Variants in NTRK1 observed in about 807,000 individuals in gnomAD.
NTRK1 encodes the protein neurotrophic receptor tyrosine kinase 1.
Under a neutral mutation model 86.8 loss-of-function variants are expected in NTRK1, and 62 were observed. The ratio of observed to expected loss-of-function variants is 0.71; its 90% CI spans 0.58 to 0.88. NTRK1 has a LOEUF of 0.88. Ranked by LOEUF, NTRK1 falls within the 40% of genes least tolerant of loss-of-function variation. The pLI is 0.00. For missense variants in NTRK1, 967 were observed against 1,078.4 expected (o/e 0.90, Z 1.45); for synonymous variants, 469 against 456.6 (o/e 1.03, Z -0.35).
chr1:156,816,475 C>T (rs1448794899), intron 1 of NTRK1, among the ~76,000 whole-genome samples: 4 of 152,224 alleles, frequency 2.6e-5, no homozygotes, highest in South Asian at 4.1e-4. Context: ...CCTCAACAAA[C>T]CCTGTCACCT....
chr1:156,853,675 A>G (rs928735969), intron 2 of NTRK1: 1 of 1,413,358 alleles, frequency 7.1e-7, no homozygotes, highest in Non-Finnish European at 9.7e-7. Context: ...ACTGACCCAC[A>G]CCATCCTGTG....
At position 156,874,905 on chromosome 1, in the gene NTRK1, G is replaced by A. The variant is rs1487144920; in HGVS notation, c.1252-1G>A. On this transcript the variant is annotated splice_acceptor_variant, in intron 10 of 16. Transcript: ENST00000524377. LOFTEE classifies it high-confidence loss of function. ...ATCTAACTACCCCTGTCCCCCACCA[G>A]GTCTCGGTGGCTGTGGGCCTGGCCG... is the stretch of plus-strand genomic sequence containing the variant. 6.2e-7 allele frequency: 1 copy of A among 1,607,376 alleles called. No homozygotes were observed. Among genetic ancestry groups the A allele is most frequent in the Non-Finnish European group, 8.5e-7 (1 of 1,174,164 alleles).
At chr1:156,841,616 A>G (rs1206140574) in intron 1 of NTRK1, 2 of 1,609,662 alleles carry the variant, frequency 1.2e-6, no homozygotes, top group Non-Finnish European at 1.7e-6. Flanking sequence ...GCCCCTCCCC[A>G]GATCCCGCCT....
In NTRK1 at chr1:156,844,097, A is replaced by G. The variant is rs984573138; in HGVS notation, c.50+1904A>G. On this transcript the variant is annotated intron_variant, in intron 2 of 16. Transcript: ENST00000392302. ...GGAAGACCTGTCTTTCTACTGTCTC[A>G]TCTACCTCCCTTTGACAGACTTTAT... 6.7e-6 allele frequency: 7 copies of G among 1,049,086 alleles called. No individual in the cohort carries two copies. In the Admixed American group the frequency reaches 9.4e-5, roughly 14 times the overall value. 65.0% of individuals were successfully genotyped at this position (1,049,086 alleles called of 1,614,324 possible). A position where few individuals can be genotyped will look rare whatever the true frequency, so the allele number is the denominator to read the frequency against.
rs2102904669 is a variant in NTRK1 at position 156,873,631 on chromosome 1, A to G, written c.851-2A>G. The G allele has an allele frequency of 1.2e-6, 2 of 1,610,174 alleles. No individual in the cohort carries two copies. Among genetic ancestry groups the G allele is most frequent in the Non-Finnish European group, 1.7e-6 (2 of 1,179,400 alleles). On this transcript the variant is annotated splice_acceptor_variant, in intron 7 of 16. Transcript: ENST00000524377. LOFTEE classifies it high-confidence loss of function. ...CCTGCTGTTGCTCTTTCTGGCCCAC[A>G]GTCCCGGCCAGTGTGCAGCTGCACA...
chr1:156,843,352 T>A (rs1441578143), intron 2 of NTRK1: 2 of 1,578,072 alleles, frequency 1.3e-6, no homozygotes, highest in African/African-American at 1.3e-5. Context: ...TGCAAGAAGG[T>A]CTTCTGGAAG....
At chr1:156,832,518 G>A (rs1350620503) in intron 1 of NTRK1, among the ~76,000 whole-genome samples, 1 of 152,182 alleles carries the variant, frequency 6.6e-6, no homozygotes, top group African/African-American at 2.4e-5. Context: ...GGGAGTAGGT[G>A]ATTCTCAAGA....
rs190368175 is a variant in NTRK1, at chr1:156,831,015, C to G, written c.-63-11066C>G. Among the ~76,000 whole-genome samples, 3 of 152,334 alleles carry G rather than the reference C, an allele frequency of 2.0e-5. No individual in the cohort carries two copies. In the East Asian group the frequency reaches 5.8e-4, roughly 29 times the overall value. On this transcript the variant is annotated intron_variant, in intron 1 of 16. Transcript: ENST00000392302. ...GAGGGTCAGACCTCAGGTCTACCCT[C>G]TGGCTTTATCTCTCCCTTCAACCCT... is the stretch of plus-strand genomic sequence containing the variant.
intron 1 of NTRK1, among the ~76,000 whole-genome samples, chr1:156,819,032 T>A (rs1460172024): frequency 6.6e-6 from 1 of 152,188 alleles, no homozygotes; most frequent in Non-Finnish European, 1.5e-5. Context: ...AGATGAAGTC[T>A]CACTCTGTCA....
rs1213292019 is a variant in NTRK1 at position 156,871,645 on chromosome 1, TG to T, written c.744del (p.Leu249Ter). 1 of 1,614,152 alleles carries T rather than the reference TG, an allele frequency of 6.2e-7. No homozygotes were observed. The highest frequency in any genetic ancestry group is 8.5e-7 in the Non-Finnish European group (1 of 1,180,024). ...TAGAAATCTGGGGGTCTGCCATCCC[TG>T]GGGCTGACCCTGGCCAATGTCACCA... is the stretch of plus-strand genomic sequence containing the variant. ...TVMKSGGLPS[L>X]GLTLANVTSD... On this transcript the variant is annotated frameshift_variant, in exon 7 of 17. Transcript: ENST00000524377. LOFTEE classifies it high-confidence loss of function.
At chr1:156,853,957 G>T in intron 2 of NTRK1, 1 of 1,613,262 alleles carries the variant, frequency 6.2e-7, no homozygotes, top group Non-Finnish European at 8.5e-7. Context: ...AGAGCTCCTG[G>T]TTCTTCTCCA....
intron 2 of NTRK1, chr1:156,851,702 T>TAGG (rs1315643571): frequency 6.2e-6 from 10 of 1,614,054 alleles, no homozygotes; most frequent in Non-Finnish European, 8.5e-6. Flanking sequence ...GCCCACAAGA[T>TAGG]CCTGTGCCGC....
At chr1:156,841,727 G>A (rs746678997) in intron 1 of NTRK1, 22 of 1,614,008 alleles carry the variant, frequency 1.4e-5, no homozygotes, top group South Asian at 1.3e-4. Context: ...TCCAGCGCAC[G>A]GGCAGCAGCC....
At chr1:156,825,046 C>T (rs951201331) in intron 1 of NTRK1, among the ~76,000 whole-genome samples, 2 of 152,188 alleles carry the variant, frequency 1.3e-5, no homozygotes, top group East Asian at 1.9e-4. Context: ...TGCGCCACCA[C>T]GCCCGGCTAA....
At chr1:156,818,877 TG>T (rs1654105003) in intron 1 of NTRK1, among the ~76,000 whole-genome samples, 1 of 152,376 alleles carries the variant, frequency 6.6e-6, no homozygotes, top group African/African-American at 2.4e-5. Context: ...TTTCTACTTT[TG>T]TTTTTTTAAG....
At chr1:156,828,758 T>C (rs1182006083) in intron 1 of NTRK1, among the ~76,000 whole-genome samples, 1 of 152,238 alleles carries the variant, frequency 6.6e-6, no homozygotes, top group African/African-American at 2.4e-5. Context: ...GCTGTGTGGC[T>C]TGTGGCAAAT....
intron 16 of NTRK1, 106 bp downstream of exon 16, chr1:156,880,263 T>A: frequency 1.6e-6 from 2 of 1,269,652 alleles, no homozygotes; most frequent in Non-Finnish European, 2.2e-6. Context: ...TGCCACAGCC[T>A]GTTGGGGGGC....
At chr1:156,879,403 A>T (rs2102925546) in intron 15 of NTRK1, 41 bp downstream of exon 15, 1 of 1,573,926 alleles carries the variant, frequency 6.4e-7, no homozygotes, top group African/African-American at 1.3e-5. Context: ...CTGCATCCAA[A>T]CTGTAGACAC....
At chr1:156,865,633 A>G (rs560491950) in intron 3 of NTRK1, among the ~76,000 whole-genome samples, 1 of 152,222 alleles carries the variant, frequency 6.6e-6, no homozygotes, top group African/African-American at 2.4e-5. Flanking sequence ...TCTGTTGCTC[A>G]GGCTGGAGAA....
Sources: allele counts gnomAD v4.1 joint callset (sites outside exome capture counted in the v4.1 genomes callset), GRCh38; gene constraint gnomAD v4.1.1; transcripts MANE v1.5; gene names NCBI Gene and HGNC (gene_info 2026-07-23, HGNC 2026-07-21).